MARCO: variants seen among roughly 807,000 people sequenced by gnomAD.
MARCO encodes the protein macrophage receptor MARCO.
Under a neutral mutation model 70.0 loss-of-function variants are expected in MARCO, and 72 were observed. The ratio of observed to expected loss-of-function variants is 1.03; its 90% confidence interval spans 0.85 to 1.25. The LOEUF (loss-of-function observed/expected upper bound fraction) is 1.25, where lower values mean the gene tolerates loss of function less well. MARCO is among the 50% of genes most tolerant of loss of function. MARCO has a pLI of 0.00. For synonymous variants in MARCO, 273 were observed against 243.1 expected (o/e 1.12, Z -1.14); for missense variants, 696 against 659.3 (o/e 1.06, Z -0.61).
chr2:118,945,404 CTT>C (rs55684033), intron 1 of MARCO, among the ~76,000 whole-genome samples: 51,018 of 122,754 alleles, frequency 0.42, 6,668 homozygotes, highest in Middle Eastern at 0.48. Flanking sequence ...CCTCTTGTTT[CTT>C]TTTTTTTTTT....
rs756189929 is a variant in MARCO, at chr2:118,942,336, C to A, written c.36C>A (p.Leu12=). The A allele has an allele frequency of 1.2e-6, 2 of 1,613,726 alleles. No individual in the cohort carries two copies. The highest frequency in any genetic ancestry group is 2.2e-5 in the South Asian group (2 of 91,078). ...RNKKILKEDE[L]LSETQQAAFH... ...AGAAAATTCTCAAGGAGGACGAGCT[C>A]TTGAGTGAGACCCAACAAGCTGCTT... is the stretch of plus-strand genomic sequence containing the variant. The change falls in exon 1 of 17, where the codon CTC becomes CTA. Residue 12 remains leucine (L), a synonymous_variant. Transcript: ENST00000327097.
intron 12 of MARCO, among the ~76,000 whole-genome samples, chr2:118,989,059 A>C (rs755245951): frequency 4.6e-5 from 7 of 152,166 alleles, no homozygotes; most frequent in Non-Finnish European, 7.3e-5. Context: ...ACAGAAGTGG[A>C]CTCAAGTCCG....
chr2:118,988,922 A>T (rs1680564665), intron 12 of MARCO, among the ~76,000 whole-genome samples: 1 of 152,200 alleles, frequency 6.6e-6, no homozygotes, highest in African/African-American at 2.4e-5. Flanking sequence ...CACCGGGCTC[A>T]GCGCTTGATA....
chr2:118,957,112 C>G (rs897672740), intron 1 of MARCO, among the ~76,000 whole-genome samples: 22 of 151,754 alleles, frequency 1.4e-4, no homozygotes, highest in African/African-American at 5.1e-4. Flanking sequence ...AAACGCAAAC[C>G]CAGCAGAAGA....
chr2:118,977,345 A>T, intron 6 of MARCO, 126 bp from the exon 7 acceptor site: 1 of 729,588 alleles, frequency 1.4e-6, no homozygotes, highest in Non-Finnish European at 2.4e-6. Flanking sequence ...AGTGAGAGTG[A>T]GAGAGAGAGA....
In MARCO at chr2:118,969,295, G is replaced by A. The variant is rs200829925; in HGVS notation, c.199+34G>A. On this transcript the variant is annotated intron_variant, in intron 2 of 16. Coordinates refer to ENST00000327097, the MANE Select transcript of MARCO (RefSeq NM_006770.4). ...GGCTTGGTCCTGTGTAGTCCCTCCT[G>A]GGGGGAGAGGGGTGACCCAGCTGGG... 2.0e-5 allele frequency: 32 copies of A among 1,562,082 alleles called. No homozygotes were observed. The Admixed American group carries it at 2.2e-4, about 11-fold the overall frequency.
intron 12 of MARCO, among the ~76,000 whole-genome samples, chr2:118,987,659 G>T (rs1680542550): frequency 6.6e-6 from 1 of 152,218 alleles, no homozygotes; most frequent in Non-Finnish European, 1.5e-5. Context: ...GTTTAGGGCA[G>T]TGTTACTCAA....
At chr2:118,944,375 T>G (rs1325877512) in intron 1 of MARCO, among the ~76,000 whole-genome samples, 1 of 152,146 alleles carries the variant, frequency 6.6e-6, no homozygotes, top group East Asian at 1.9e-4. Context: ...TCTAGAAGAG[T>G]GCCATTATGC....
At chr2:118,945,487 A>G (rs1679579675) in intron 1 of MARCO, among the ~76,000 whole-genome samples, 2 of 148,104 alleles carry the variant, frequency 1.4e-5, no homozygotes, top group Admixed American at 1.4e-4. Context: ...ATCTCGGCTC[A>G]GTGCAACCTC....
chr2:118,979,670 G>A (rs1680352973), intron 8 of MARCO, among the ~76,000 whole-genome samples: 1 of 152,156 alleles, frequency 6.6e-6, no homozygotes, highest in African/African-American at 2.4e-5. Context: ...GCTGTGGTTG[G>A]CGAAGGGAAA....
At chr2:118,991,124 C>A (rs1318518450) in intron 13 of MARCO, among the ~76,000 whole-genome samples, 1 of 152,212 alleles carries the variant, frequency 6.6e-6, no homozygotes, top group Non-Finnish European at 1.5e-5. Flanking sequence ...ACTGAGCTGG[C>A]ACCAGCTGGA....
chr2:118,957,042 T>A (rs1679850359), intron 1 of MARCO, among the ~76,000 whole-genome samples: 1 of 151,900 alleles, frequency 6.6e-6, no homozygotes, highest in Admixed American at 6.6e-5. Flanking sequence ...TCAAAAAGTC[T>A]GAAAGAGCAC....
chr2:118,981,557 T>TTTC, intron 9 of MARCO, 50 bp downstream of exon 9: 1 of 1,598,476 alleles, frequency 6.3e-7, no homozygotes, highest in East Asian at 2.2e-5. Flanking sequence ...TTTCCTTTTT[T>TTTC]TTTTTTTTCT....
At chr2:118,974,271 G>A in intron 4 of MARCO, 62 bp from the exon 5 acceptor site, 1 of 937,090 alleles carries the variant, frequency 1.1e-6, no homozygotes, top group East Asian at 2.6e-5. Flanking sequence ...GTAAGTGATT[G>A]CATGGCGTTG....
At chr2:118,955,213 G>A (rs1254990611) in intron 1 of MARCO, among the ~76,000 whole-genome samples, 1 of 151,812 alleles carries the variant, frequency 6.6e-6, no homozygotes, top group South Asian at 2.1e-4. Context: ...TATATGAGAA[G>A]TGAAGGGAGA....
intron 6 of MARCO, among the ~76,000 whole-genome samples, chr2:118,976,446 A>G (rs142000955): frequency 6.6e-6 from 1 of 151,644 alleles, no homozygotes; most frequent in African/African-American, 2.4e-5. Context: ...TCTCCTTCCC[A>G]TCCTTTTCCA....
At position 118,965,734 on chromosome 2, in the gene MARCO, C is replaced by A. The variant is rs886775724; in HGVS notation, c.98-3426C>A. Among the ~76,000 whole-genome samples, 9 of 152,278 alleles carry A rather than the reference C, an allele frequency of 5.9e-5. No homozygotes were observed. The East Asian group carries it at 1.7e-3, about 29-fold the overall frequency. On this transcript the variant is annotated intron_variant, in intron 1 of 16. Transcript: ENST00000327097. ...TTTAGGTTTATTATGTAGGTTCTGG[C>A]CTACTTGTGTGGGCTATGGTACAAT... is the stretch of plus-strand genomic sequence containing the variant.
intron 1 of MARCO, among the ~76,000 whole-genome samples, chr2:118,962,907 T>C (rs1462502990): frequency 1.3e-5 from 2 of 152,060 alleles, no homozygotes; most frequent in African/African-American, 2.4e-5. Flanking sequence ...AGTATTTTCT[T>C]ATTTTCTTTT....
chr2:118,958,229 A>G (rs1679875048), intron 1 of MARCO, among the ~76,000 whole-genome samples: 1 of 152,068 alleles, frequency 6.6e-6, no homozygotes, highest in Non-Finnish European at 1.5e-5. Context: ...TGCTGATGAT[A>G]TGACTGCTTA....
Sources: allele counts gnomAD v4.1 joint callset (sites outside exome capture counted in the v4.1 genomes callset), GRCh38; gene constraint gnomAD v4.1.1; transcripts MANE v1.5; gene names NCBI Gene and HGNC (gene_info 2026-07-23, HGNC 2026-07-21).